The following SPSB4 variants were observed in gnomAD, a reference collection of about 807,000 sequenced individuals.
The protein encoded by SPSB4 is splA/ryanodine receptor domain and SOCS box containing 4, also known as SPRY domain-containing SOCS box protein 4.
In SPSB4, 21 loss-of-function variants were observed where a neutral mutation model predicts 20.9. That is an observed-to-expected ratio of 1.01 (90% CI 0.71 to 1.45). SPSB4 has a LOEUF of 1.45. Among genes scored for constraint, SPSB4 ranks in the 40% most tolerant of loss-of-function variants. The pLI is 0.00. For synonymous variants in SPSB4, 207 were observed against 183.8 expected (o/e 1.13, Z -1.02); for missense variants, 399 against 399.2 (o/e 1.00, Z 0.00).
chr3:141,076,090 A>G (rs1938104288), intron 2 of SPSB4, among the ~76,000 whole-genome samples: 1 of 148,932 alleles, frequency 6.7e-6, no homozygotes, highest in Admixed American at 6.6e-5. Flanking sequence ...GATAAAATAA[A>G]ATGCGTATTC....
At chr3:141,067,415 G>A (rs1475064566) in intron 2 of SPSB4, among the ~76,000 whole-genome samples, 2 of 152,220 alleles carry the variant, frequency 1.3e-5, no homozygotes, top group African/African-American at 4.8e-5. Context: ...ACCCTGGGTT[G>A]TGGAATCTTG....
intron 1 of SPSB4, among the ~76,000 whole-genome samples, chr3:141,058,377 G>T (rs1403319130): frequency 6.6e-6 from 1 of 152,230 alleles, no homozygotes; most frequent in Non-Finnish European, 1.5e-5. Flanking sequence ...AAGCCCCAGA[G>T]CAGATCCTTC....
At chr3:141,089,216 T>G (rs1938404357) in intron 2 of SPSB4, among the ~76,000 whole-genome samples, 1 of 152,188 alleles carries the variant, frequency 6.6e-6, no homozygotes, top group Admixed American at 6.5e-5. Context: ...TCTCTTCAGG[T>G]GGACGAGGGT....
intron 1 of SPSB4, among the ~76,000 whole-genome samples, chr3:141,055,665 G>A (rs1161192769): frequency 2.0e-5 from 3 of 152,164 alleles, no homozygotes; most frequent in African/African-American, 7.2e-5. Context: ...TGAGTGGTGG[G>A]GACCAAGAGA....
At chr3:141,054,863 G>T (rs1937609184) in intron 1 of SPSB4, among the ~76,000 whole-genome samples, 1 of 152,200 alleles carries the variant, frequency 6.6e-6, no homozygotes, top group African/African-American at 2.4e-5. Context: ...TGCTGGGGAG[G>T]CTGAGGCAGG....
intron 2 of SPSB4, among the ~76,000 whole-genome samples, chr3:141,139,848 C>T (rs185905877): frequency 1.1e-3 from 169 of 152,146 alleles, no homozygotes; most frequent in Middle Eastern, 3.4e-3. Flanking sequence ...ATCTTTGTGG[C>T]GTTCTCTATT....
chr3:141,139,808 T>C (rs1445060996), intron 2 of SPSB4, among the ~76,000 whole-genome samples: 1 of 152,214 alleles, frequency 6.6e-6, no homozygotes, highest in Admixed American at 6.5e-5. Flanking sequence ...CTGACAATTA[T>C]GTGTCTTGGA....
chr3:141,122,947 A>G (rs564925424), intron 2 of SPSB4, among the ~76,000 whole-genome samples: 1 of 152,348 alleles, frequency 6.6e-6, no homozygotes, highest in South Asian at 2.1e-4. Context: ...CATGGGCTGC[A>G]CGCACTGTCC....
chr3:141,127,436 G>T (rs1399051397), intron 2 of SPSB4, among the ~76,000 whole-genome samples: 1 of 152,208 alleles, frequency 6.6e-6, no homozygotes, highest in Non-Finnish European at 1.5e-5. Context: ...CCTTGGGCCT[G>T]GTTCAGCCCC....
chr3:141,106,768 G>T (rs1173845286), intron 2 of SPSB4, among the ~76,000 whole-genome samples: 2 of 152,114 alleles, frequency 1.3e-5, no homozygotes, highest in East Asian at 3.8e-4. Context: ...GTGTCTAGTG[G>T]CACCTTAGGG....
chr3:141,115,144 G>A (rs1291838373), intron 2 of SPSB4: 3 of 152,222 alleles, frequency 2.0e-5, no homozygotes, highest in African/African-American at 7.2e-5. Context: ...AGCAGTTCTG[G>A]TTTTTTACGT....
intron 2 of SPSB4, among the ~76,000 whole-genome samples, chr3:141,121,012 C>G (rs140664967): frequency 0.028 from 3,808 of 137,300 alleles, 213 homozygotes; most frequent in African/African-American, 0.059. Flanking sequence ...AGCTTCGATG[C>G]TCTTTACAAC....
At chr3:141,134,035 C>CT (rs1348749217) in intron 2 of SPSB4, among the ~76,000 whole-genome samples, 225 of 46,692 alleles carry the variant, frequency 4.8e-3, no homozygotes, top group Middle Eastern at 0.011. Flanking sequence ...TTTTTCTTTT[C>CT]TTTTTTTTTT....
chr3:141,116,452 C>T (rs558969985), intron 2 of SPSB4, among the ~76,000 whole-genome samples: 12 of 152,376 alleles, frequency 7.9e-5, no homozygotes, highest in Non-Finnish European at 1.8e-4. Flanking sequence ...GACTCAGGAA[C>T]AGAACTGATA....
chr3:141,133,262 C>A (rs1460713748), intron 2 of SPSB4, among the ~76,000 whole-genome samples: 1 of 151,916 alleles, frequency 6.6e-6, no homozygotes, highest in African/African-American at 2.4e-5. Flanking sequence ...GTTTACTCTG[C>A]TGATTATTTT....
At chr3:141,085,364 G>A (rs1053878447) in intron 2 of SPSB4, among the ~76,000 whole-genome samples, 17 of 152,308 alleles carry the variant, frequency 1.1e-4, no homozygotes, top group Middle Eastern at 6.8e-3. Flanking sequence ...CAAGGATGTT[G>A]TGGGGCTCCA....
chr3:141,063,869 T>C lies in SPSB4; in HGVS notation c.-153-2083T>C, dbSNP rs114415284. ...CCAGGAACTTTGTTCACAGGGTTGTTGTAGTGACTTCCTTTAGTCTTTGCT... is the reference window on the plus strand; with the variant it reads ...CCAGGAACTTTGTTCACAGGGTTGTCGTAGTGACTTCCTTTAGTCTTTGCT... On this transcript the variant is annotated intron_variant, in intron 1 of 2. Coordinates refer to ENST00000310546, the MANE Select transcript of SPSB4 (RefSeq NM_080862.3). Among the ~76,000 whole-genome samples, 589 of 152,372 alleles carry C rather than the reference T, an allele frequency of 3.9e-3. 7 individuals are homozygous for C. The highest frequency in any genetic ancestry group is 0.014 in the African/African-American group (562 of 41,586).
chr3:141,094,317 G>A (rs2107793181), intron 2 of SPSB4, among the ~76,000 whole-genome samples: 1 of 152,352 alleles, frequency 6.6e-6, no homozygotes, highest in East Asian at 1.9e-4. Flanking sequence ...TGGGAACTTG[G>A]TGAATGAATG....
rs1938792713 is a variant in SPSB4, at chr3:141,111,222, C to T, written c.695-35920C>T. ...TTGAACTGGGTGAGACTATTTATATCACTCCTTATTTCACTTGGCGTGAAT... is the reference window on the plus strand; with the variant it reads ...TTGAACTGGGTGAGACTATTTATATTACTCCTTATTTCACTTGGCGTGAAT... On this transcript the variant is annotated intron_variant, in intron 2 of 2. Coordinates refer to ENST00000310546, the MANE Select transcript of SPSB4 (RefSeq NM_080862.3). 2.0e-5 allele frequency among the ~76,000 whole-genome samples: 3 copies of T among 152,236 alleles called. No homozygotes were observed. In the South Asian group the frequency reaches 6.2e-4, roughly 32 times the overall value.
Sources: allele counts gnomAD v4.1 joint callset (sites outside exome capture counted in the v4.1 genomes callset), GRCh38; gene constraint gnomAD v4.1.1; transcripts MANE v1.5; gene names NCBI Gene and HGNC (gene_info 2026-07-23, HGNC 2026-07-21).